Variants in DOCK1 observed in about 807,000 individuals in gnomAD.
The protein encoded by DOCK1 is dedicator of cytokinesis protein 1.
In DOCK1, 138 loss-of-function variants were observed where a neutral mutation model predicts 262.7. The observed-to-expected ratio is 0.53, with a 90% confidence interval of 0.46 to 0.61. The LOEUF is 0.61. DOCK1 is among the 20% of genes least tolerant of loss of function. The pLI is 0.00. For missense variants in DOCK1, 1,908 were observed against 2,370.7 expected (o/e 0.80, Z 4.05); for synonymous variants, 866 against 867.4 (o/e 1.00, Z 0.03).
At chr10:127,093,099 G>A (rs928929045) in intron 23 of DOCK1, among the ~76,000 whole-genome samples, 9 of 152,016 alleles carry the variant, frequency 5.9e-5, no homozygotes, top group Admixed American at 3.9e-4. Context: ...AGGGCTGCTG[G>A]CAGTCCTCGA....
intron 32 of DOCK1, among the ~76,000 whole-genome samples, chr10:127,356,178 A>T (rs1252086223): frequency 1.3e-5 from 2 of 152,152 alleles, no homozygotes; most frequent in Non-Finnish European, 2.9e-5. Context: ...CTGCAACATG[A>T]TACCTACCAG....
At chr10:127,354,843 G>T in intron 32 of DOCK1, 116 bp downstream of exon 32, 1 of 1,222,366 alleles carries the variant, frequency 8.2e-7, no homozygotes, top group Admixed American at 2.1e-5. Context: ...TCTGTTCCTT[G>T]GACAGCAGTT....
At chr10:126,932,338 C>G (rs1159950617) in intron 1 of DOCK1, among the ~76,000 whole-genome samples, 3 of 152,188 alleles carry the variant, frequency 2.0e-5, no homozygotes, top group African/African-American at 7.2e-5. Context: ...TCAAGCCCAG[C>G]CTGAGCAAAA....
At chr10:126,966,970 C>T (rs2037722486) in intron 1 of DOCK1, among the ~76,000 whole-genome samples, 1 of 152,096 alleles carries the variant, frequency 6.6e-6, no homozygotes, top group African/African-American at 2.4e-5. Context: ...GCAGCCAGGC[C>T]ATTATAAAAT....
At chr10:127,386,394 AG>A (rs1444274507) in intron 38 of DOCK1, among the ~76,000 whole-genome samples, 1 of 6,468 alleles carries the variant, frequency 1.5e-4, no homozygotes, top group Non-Finnish European at 2.6e-4. Context: ...GCAGCAGGTG[AG>A]CAACGGGTGA....
intron 29 of DOCK1, among the ~76,000 whole-genome samples, chr10:127,285,799 C>G (rs527378549): frequency 1.3e-5 from 2 of 152,194 alleles, no homozygotes; most frequent in African/African-American, 4.8e-5. Flanking sequence ...GTCTAACCCT[C>G]CTGCTTGACG....
At chr10:127,410,767 C>T (rs2067798216) in intron 42 of DOCK1, 73 bp from the exon 43 acceptor site, 3 of 1,414,760 alleles carry the variant, frequency 2.1e-6, no homozygotes, top group Admixed American at 2.0e-5. Context: ...GTTCTAAGGC[C>T]AGACCCCGTG....
intron 25 of DOCK1, among the ~76,000 whole-genome samples, chr10:127,117,735 G>A (rs2049281584): frequency 1.3e-5 from 2 of 152,152 alleles, no homozygotes; most frequent in Admixed American, 1.3e-4. Context: ...AGAAGAGACT[G>A]TGTTGGTTGT....
chr10:127,032,064 A>C, intron 17 of DOCK1, 73 bp from the exon 18 acceptor site: 1 of 1,527,402 alleles, frequency 6.5e-7, no homozygotes. Context: ...GATTAGGGAT[A>C]ACAAAGGGTG....
chr10:127,413,467 G>A (rs1183125305), intron 43 of DOCK1, among the ~76,000 whole-genome samples: 2 of 152,216 alleles, frequency 1.3e-5, no homozygotes, highest in African/African-American at 2.4e-5. Flanking sequence ...CCCCTCCAGC[G>A]GGGAGCCTGG....
intron 4 of DOCK1, among the ~76,000 whole-genome samples, chr10:126,986,749 A>G (rs1190398318): frequency 6.6e-6 from 1 of 152,102 alleles, no homozygotes; most frequent in East Asian, 1.9e-4. Context: ...ATCTCTACTA[A>G]AAATACAAAA....
intron 27 of DOCK1, among the ~76,000 whole-genome samples, chr10:127,238,849 G>A (rs969265681): frequency 1.3e-5 from 2 of 152,338 alleles, no homozygotes; most frequent in Non-Finnish European, 2.9e-5. Flanking sequence ...CTCATTGAAT[G>A]TTGGTTGAGT....
rs2068396813 is a variant in DOCK1 at position 127,419,893 on chromosome 10, C to T, written c.4776+144C>T. ...CTGTGATTGTCCCTGGGTGAACCCACCCACTGCTGTCGTGATCAACTCAGC... is the reference window on the plus strand; with the variant it reads ...CTGTGATTGTCCCTGGGTGAACCCATCCACTGCTGTCGTGATCAACTCAGC... On this transcript the variant is annotated intron_variant, in intron 46 of 51. Coordinates refer to ENST00000623213, the MANE Select transcript of DOCK1 (RefSeq NM_001290223.2). 8 of 834,268 alleles carry T rather than the reference C, an allele frequency of 9.6e-6. No homozygotes were observed. The Admixed American group carries it at 1.9e-4, about 19-fold the overall frequency. 51.7% of individuals were successfully genotyped at this position (834,268 alleles called of 1,614,324 possible).
chr10:126,912,673 C>A (rs2031968991), intron 1 of DOCK1, among the ~76,000 whole-genome samples: 2 of 150,052 alleles, frequency 1.3e-5, no homozygotes, highest in Non-Finnish European at 2.9e-5. Context: ...TTGCAGTGAG[C>A]CGAGATCGCG....
At chr10:127,423,428 A>G (rs1444441381) in intron 46 of DOCK1, among the ~76,000 whole-genome samples, 1 of 152,158 alleles carries the variant, frequency 6.6e-6, no homozygotes, top group Non-Finnish European at 1.5e-5. Context: ...GGATGGGCTG[A>G]CCTGCTCCTC....
chr10:127,354,162 A>C (rs542633779), intron 31 of DOCK1, among the ~76,000 whole-genome samples: 37 of 152,292 alleles, frequency 2.4e-4, no homozygotes, highest in African/African-American at 8.4e-4. Context: ...ATAAACAAAA[A>C]CAGTGGAAGA....
chr10:127,230,598 C>T (rs1039287168), intron 27 of DOCK1, among the ~76,000 whole-genome samples: 3 of 152,034 alleles, frequency 2.0e-5, no homozygotes, highest in African/African-American at 2.4e-5. Context: ...TTTCCAGGCT[C>T]TCTATCCTGT....
intron 29 of DOCK1, among the ~76,000 whole-genome samples, chr10:127,263,085 G>A (rs1309409692): frequency 1.3e-5 from 2 of 152,168 alleles, no homozygotes; most frequent in Non-Finnish European, 2.9e-5. Flanking sequence ...CTTTATTCGA[G>A]TGTCCATAAA....
chr10:127,026,944 A>ATGACT (rs2042907389), intron 16 of DOCK1, among the ~76,000 whole-genome samples: 1 of 152,250 alleles, frequency 6.6e-6, no homozygotes, highest in Non-Finnish European at 1.5e-5. Context: ...TTTATTATTG[A>ATGACT]TGACTGAAAT....
Sources: gnomAD v4.1 joint callset for allele counts (sites outside exome capture counted in the v4.1 genomes callset) on GRCh38, gnomAD v4.1.1 for gene constraint, MANE v1.5 for transcripts, NCBI Gene and HGNC (gene_info 2026-07-23, HGNC 2026-07-21) for gene names.